The following DNAH5 variants were observed in gnomAD, a reference collection of about 807,000 sequenced individuals.
DNAH5 encodes axonemal beta dynein heavy chain 5.
DNAH5 carries 372 observed loss-of-function variants against 518.2 expected under a neutral mutation model. The ratio of observed to expected loss-of-function variants is 0.72; its 90% CI spans 0.66 to 0.78. The LOEUF (loss-of-function observed/expected upper bound fraction) is 0.78, where lower values mean the gene tolerates loss of function less well. DNAH5 is among the 30% of genes least tolerant of loss of function. The pLI is 0.00. For synonymous variants in DNAH5, 2,039 were observed against 2,025.9 expected, an observed-to-expected ratio of 1.01 and a Z score of -0.17; for missense variants, 5,523 against 5,687.0, an observed-to-expected ratio of 0.97 and a Z score of 0.93.
intron 51 of DNAH5, 128 bp from the exon 52 acceptor site, chr5:13,786,479 T>C (rs558448005): frequency 8.5e-5 from 84 of 983,092 alleles, no homozygotes; most frequent in African/African-American, 5.2e-4. Flanking sequence ...AATGCCATAG[T>C]GTGTATTTTG....
At chr5:13,907,079 A>C (rs1449744838) in intron 12 of DNAH5, among the ~76,000 whole-genome samples, 2 of 152,212 alleles carry the variant, frequency 1.3e-5, no homozygotes, top group Non-Finnish European at 2.9e-5. Context: ...TGGCAAAATT[A>C]ACCAAGGGCA....
chr5:13,830,156 G>A lies in DNAH5; in HGVS notation c.6119C>T (p.Pro2040Leu), dbSNP rs746123531. Residue 2040 changes from proline (P) to leucine (L), a missense_variant, in exon 37 of 79, where the codon CCA (proline) becomes CTA (leucine). Pro to Leu is a moderately conservative substitution (Grantham distance 98). Coordinates refer to ENST00000265104, the MANE Select transcript of DNAH5 (RefSeq NM_001369.3). Reference protein sequence around the residue: ...CFDEFNRIDLPVLSVAAQQIS... With the variant: ...CFDEFNRIDLLVLSVAAQQIS... ...TTGCTGGGCTGCAACCGAGAGAACT[G>A]GTAGATCAATACGGTTAAATTCATC... 5 of 1,613,890 alleles carry A rather than the reference G, an allele frequency of 3.1e-6. No individual in the cohort carries two copies. The highest frequency in any genetic ancestry group is 2.5e-6 in the Non-Finnish European group (3 of 1,179,908).
At chr5:13,807,508 A>G (rs1759803879) in intron 47 of DNAH5, 83 bp downstream of exon 47, 2 of 1,345,462 alleles carry the variant, frequency 1.5e-6, no homozygotes, top group Non-Finnish European at 2.1e-6. Flanking sequence ...GATGAGATTC[A>G]ATTGAAGCAG....
intron 1 of DNAH5, among the ~76,000 whole-genome samples, chr5:13,937,534 A>G (rs1344892022): frequency 7.3e-6 from 1 of 136,682 alleles, no homozygotes; most frequent in Non-Finnish European, 1.5e-5. Context: ...GTGATGCTCC[A>G]GATTCCCCCT....
chr5:13,823,372 T>TA lies in DNAH5; in HGVS notation c.6580-3dup, dbSNP rs745608527. 3.3e-5 allele frequency: 52 copies of TA among 1,598,486 alleles called. No individual in the cohort carries two copies. Among genetic ancestry groups the TA allele is most frequent in the Admixed American group, 1.5e-4 (9 of 59,980 alleles). On this transcript the variant is annotated splice_polypyrimidine_tract_variant and splice_region_variant and intron_variant, in intron 39 of 78. Transcript: ENST00000265104. ...AAACAAGGGTTCATCCTCATCAATC[T>TA]AAAAAAAGAAAATGGGAAATCAGAC...
In DNAH5 at chr5:13,708,634, T is replaced by G. The variant is rs1333362930; in HGVS notation, c.13126-299A>C. Among the ~76,000 whole-genome samples the G allele has an allele frequency of 1.3e-5, 2 of 152,320 alleles. 1 individual carries two copies. Among genetic ancestry groups the G allele is most frequent in the Middle Eastern group, 6.8e-3 (2 of 294 alleles). ...TCTTCCAAACAGCAAATGCACTTAT[T>G]GGGAAACTCCCTTTCTGAGAATCCG... is the stretch of plus-strand genomic sequence containing the variant. On this transcript the variant is annotated intron_variant, in intron 75 of 78. Coordinates refer to ENST00000265104, the MANE Select transcript of DNAH5 (RefSeq NM_001369.3).
Position 13,855,265 on chromosome 5 carries a change from G to A in DNAH5, c.4950+4187C>T, listed in dbSNP as rs1767463288. ...GCTCTGTCGCCCAGGCTGGAGTGCA[G>A]TGGCGGGATCTCGGCTCACTGCAAG... On this transcript the variant is annotated intron_variant, in intron 30 of 78. Coordinates refer to ENST00000265104, the MANE Select transcript of DNAH5 (RefSeq NM_001369.3). Among the ~76,000 whole-genome samples, 2 of 42,948 alleles carry A rather than the reference G, an allele frequency of 4.7e-5. 1 individual carries two copies. The highest frequency in any genetic ancestry group is 4.3e-4 in the Admixed American group (2 of 4,700). 28.2% of individuals were successfully genotyped at this position (42,948 alleles called of 152,430 possible).
intron 55 of DNAH5, among the ~76,000 whole-genome samples, chr5:13,775,965 A>G (rs1193784334): frequency 7.1e-6 from 1 of 140,282 alleles, no homozygotes; most frequent in Non-Finnish European, 1.5e-5. Flanking sequence ...TTCTCACCAA[A>G]AGCTTTCAAA....
intron 14 of DNAH5, chr5:13,900,663 G>A (rs1774481937): frequency 1.9e-6 from 1 of 522,102 alleles, no homozygotes; most frequent in Non-Finnish European, 3.4e-6. Context: ...ATAAATAAGT[G>A]GACACTGCAA....
intron 10 of DNAH5, among the ~76,000 whole-genome samples, chr5:13,914,290 T>C (rs1776382372): frequency 6.6e-6 from 1 of 152,062 alleles, no homozygotes; most frequent in South Asian, 2.1e-4. Context: ...TAGCTGTCTT[T>C]GTATCTCTAG....
chr5:13,878,429 C>T (rs1771192187), intron 21 of DNAH5, among the ~76,000 whole-genome samples: 1 of 152,162 alleles, frequency 6.6e-6, no homozygotes, highest in Non-Finnish European at 1.5e-5. Context: ...TGGCACCCCC[C>T]CGCCTAGTGT....
chr5:13,845,565 G>T (rs1032004548), intron 31 of DNAH5, among the ~76,000 whole-genome samples: 1 of 152,030 alleles, frequency 6.6e-6, no homozygotes, highest in African/African-American at 2.4e-5. Context: ...TCCACTGAAT[G>T]TTCCCGATCA....
Position 13,793,637 on chromosome 5 carries a change from T to C in DNAH5, c.8102A>G (p.Gln2701Arg), listed in dbSNP as rs1043399578. Residue 2701 changes from glutamine (Q) to arginine (R), a missense_variant, in exon 49 of 79, where the codon CAG (glutamine) becomes CGG (arginine). Physicochemically the swap from Gln to Arg is conservative, Grantham distance 43. Coordinates refer to ENST00000265104, the MANE Select transcript of DNAH5 (RefSeq NM_001369.3). ...AGGATGGATCATGGCTGCCAAAAAC[T>C]GGATGTCCACGATGCTGGTGAACTC... ...PGEFTSIVDI[Q>R]FLAAMIHPGG... 3.1e-6 allele frequency: 5 copies of C among 1,614,206 alleles called. No homozygotes were observed. The highest frequency in any genetic ancestry group is 4.2e-6 in the Non-Finnish European group (5 of 1,180,040).
intron 24 of DNAH5, among the ~76,000 whole-genome samples, chr5:13,869,566 T>C (rs1442517655): frequency 6.6e-6 from 1 of 152,050 alleles, no homozygotes; most frequent in Non-Finnish European, 1.5e-5. Flanking sequence ...ATTAATGATA[T>C]TAATAATTCA....
chr5:13,694,159 A>G (rs929132982), intron 78 of DNAH5, among the ~76,000 whole-genome samples: 1 of 152,214 alleles, frequency 6.6e-6, no homozygotes, highest in African/African-American at 2.4e-5. Context: ...ACAACTTGAG[A>G]AGTATTTGAC....
At chr5:13,830,251 A>G in intron 36 of DNAH5, 38 bp from the exon 37 acceptor site, 11 of 1,576,168 alleles carry the variant, frequency 7.0e-6, no homozygotes, top group Non-Finnish European at 8.7e-6. Flanking sequence ...CAATTAGTAT[A>G]TAATTTTAGA....
intron 1 of DNAH5, among the ~76,000 whole-genome samples, chr5:14,011,044 A>G (rs1251948843): frequency 6.6e-6 from 1 of 152,104 alleles, no homozygotes; most frequent in Non-Finnish European, 1.5e-5. Context: ...AAGTTGATGT[A>G]AATGTATAGC....
chr5:13,985,041 A>G (rs113241995), intron 1 of DNAH5, among the ~76,000 whole-genome samples: 6,970 of 152,280 alleles, frequency 0.046, 319 homozygotes, highest in East Asian at 0.12. Flanking sequence ...ATGTCCAACA[A>G]TGATAGACTG....
At chr5:13,780,613 T>G (rs566128152) in intron 53 of DNAH5, among the ~76,000 whole-genome samples, 3 of 152,310 alleles carry the variant, frequency 2.0e-5, no homozygotes, top group African/African-American at 7.2e-5. Context: ...AGGTGGCTAC[T>G]AAGTGAGAGT....
Sources: allele counts gnomAD v4.1 joint callset (sites outside exome capture counted in the v4.1 genomes callset), GRCh38; gene constraint gnomAD v4.1.1; transcripts MANE v1.5; gene names NCBI Gene and HGNC (gene_info 2026-07-23, HGNC 2026-07-21).